Variants in P2RX1 observed in about 807,000 individuals in gnomAD.
P2RX1 encodes the protein P2X purinoceptor 1.
Under a neutral mutation model 50.3 loss-of-function variants are expected in P2RX1, and 42 were observed. That is an observed-to-expected ratio of 0.83 (90% CI 0.65 to 1.08). The LOEUF (loss-of-function observed/expected upper bound fraction) is 1.08, where lower values mean the gene tolerates loss of function less well. P2RX1 is among the 50% of genes least tolerant of loss of function. The pLI is 0.00. For missense variants in P2RX1, 449 were observed against 529.0 expected (o/e 0.85, Z 1.48); for synonymous variants, 199 against 202.6 (o/e 0.98, Z 0.15).
intron 8 of P2RX1, among the ~76,000 whole-genome samples, chr17:3,899,326 C>G (rs73322986): frequency 5.8e-4 from 75 of 128,672 alleles, no homozygotes; most frequent in South Asian, 5.4e-3. Flanking sequence ...CCTCAGCCCC[C>G]CAAGATGCCT....
chr17:3,915,565 A>G (rs1324486161), intron 1 of P2RX1: 2 of 456,592 alleles, frequency 4.4e-6, no homozygotes, highest in Non-Finnish European at 8.8e-6. Context: ...ACATGCCAAC[A>G]TGAAGGCACC....
Position 3,914,347 on chromosome 17 carries a change from G to C in P2RX1, c.137+1742C>G, listed in dbSNP as rs2056413884. On this transcript the variant is annotated intron_variant, in intron 1 of 11. Transcript: ENST00000225538. This position sits in a 1 kb window ranked among gnomAD's most constrained non-coding sequence, Gnocchi z 4.1. Reference sequence around the variant, plus strand: ...CAGTCTTGGGAGGGAAGACAGGCAGGAGGACGGTAGTGAGGTCCCCGTCAC... The same window carrying C: ...CAGTCTTGGGAGGGAAGACAGGCAGCAGGACGGTAGTGAGGTCCCCGTCAC... Among the ~76,000 whole-genome samples, 1 of 152,028 alleles carries C rather than the reference G, an allele frequency of 6.6e-6. No individual in the cohort carries two copies. Among genetic ancestry groups the C allele is most frequent in the Non-Finnish European group, 1.5e-5 (1 of 68,008 alleles).
chr17:3,900,965 CAGG>C (rs2056127615), intron 7 of P2RX1, among the ~76,000 whole-genome samples: 1 of 152,264 alleles, frequency 6.6e-6, no homozygotes, highest in Middle Eastern at 3.4e-3. Context: ...GGCTGAGCAA[CAGG>C]AGAAGAGCTG....
At chr17:3,899,869 G>A in intron 7 of P2RX1, 108 bp from the exon 8 acceptor site, 1 of 1,389,180 alleles carries the variant, frequency 7.2e-7, no homozygotes, top group Non-Finnish European at 1.0e-6. Flanking sequence ...GGGAGGCAGA[G>A]GCGGGTGGAT....
Position 3,899,669 on chromosome 17 carries a change from G to C in P2RX1, c.840C>G (p.Tyr280Ter), listed in dbSNP as rs144076351. 6.2e-7 allele frequency: 1 copy of C among 1,613,798 alleles called. No individual in the cohort carries two copies. The highest frequency in any genetic ancestry group is 1.7e-5 in the Admixed American group (1 of 59,996). The change falls in exon 8 of 12, where the codon TAC (tyrosine) becomes TAG (stop). Residue 280 changes from tyrosine (Y) to a stop codon, truncating the protein, a stop_gained. Transcript: ENST00000225538. LOFTEE classifies it high-confidence loss of function. ...CRPIYEFHGL[Y>*]EEKNLSPGFN... ...AGCCTGGGGAGAGATTTTTCTCTTC[G>C]TACAGCCCATGGAACTCATAGATGG... is the stretch of plus-strand genomic sequence containing the variant.
chr17:3,916,187 G>A lies in P2RX1; in HGVS notation c.39C>T (p.Leu13=), dbSNP rs2052406326. 1.2e-6 allele frequency: 2 copies of A among 1,613,166 alleles called. No homozygotes were observed. The highest frequency in any genetic ancestry group is 1.3e-5 in the African/African-American group (1 of 74,942). ...RRFQEELAAF[L]FEYDTPRMVL... ...CCATGCGGGGGGTGTCATACTCGAA[G>A]AGGAAGGCGGCCAGCTCCTCCTGGA... Residue 13 remains leucine, a synonymous_variant, in exon 1 of 12, where the codon CTC becomes CTT. Coordinates refer to ENST00000225538, the MANE Select transcript of P2RX1 (RefSeq NM_002558.4).
At chr17:3,898,461 G>A in intron 10 of P2RX1, 23 bp downstream of exon 10, 9 of 1,600,094 alleles carry the variant, frequency 5.6e-6, no homozygotes, top group Non-Finnish European at 7.7e-6. Flanking sequence ...CCAGCACAGT[G>A]AGCCGGTGAC....
At chr17:3,906,323 G>GCA (rs1370004066) in intron 1 of P2RX1, among the ~76,000 whole-genome samples, 26 of 152,114 alleles carry the variant, frequency 1.7e-4, no homozygotes, top group Non-Finnish European at 2.8e-4. Context: ...AGTAGAGATG[G>GCA]GGTTTCACCG....
rs2056187147 is a variant in P2RX1 at position 3,903,285 on chromosome 17, T to C, written c.664A>G (p.Thr222Ala). The C allele has an allele frequency of 1.2e-6, 2 of 1,613,974 alleles. No homozygotes were observed. The highest frequency in any genetic ancestry group is 1.6e-4 in the Middle Eastern group (1 of 6,062). ...AHMKTCLFHK[T>A]LHPLCPVFQL... ...AAGACTGGGCACAGGGGGTGCAGGG[T>C]CTTGTGAAAGAGGCAGGTCTTCATG... The change falls in exon 7 of 12, where the codon ACC becomes GCC. Residue 222 changes from threonine (T) to alanine (A), a missense_variant. By Grantham distance (58) the Thr-to-Ala change is moderately conservative. Transcript: ENST00000225538. The surrounding 1 kb of genome is among the most constrained non-coding windows in gnomAD (Gnocchi z 4.6).
In P2RX1 at chr17:3,903,434, A is replaced by AC; in HGVS notation, c.606-92dup. ...AGCCTGGGGACCCCTCACAGGCTCC[A>AC]CATTGCCCCTTTGATTCCTTCCACG... On this transcript the variant is annotated intron_variant, in intron 6 of 11. Coordinates refer to ENST00000225538, the MANE Select transcript of P2RX1 (RefSeq NM_002558.4). This position sits in a 1 kb window ranked among gnomAD's most constrained non-coding sequence, Gnocchi z 4.6. 6.3e-7 allele frequency: 1 copy of AC among 1,588,822 alleles called. No individual in the cohort carries two copies. The highest frequency in any genetic ancestry group is 8.6e-7 in the Non-Finnish European group (1 of 1,160,138).
chr17:3,907,049 T>C (rs2056278395), intron 1 of P2RX1, among the ~76,000 whole-genome samples: 1 of 152,126 alleles, frequency 6.6e-6, no homozygotes, highest in African/African-American at 2.4e-5. Flanking sequence ...GGCCAGGAGA[T>C]AGAGAGGGGC....
Position 3,903,801 on chromosome 17 carries a change from A to G in P2RX1, c.524+127T>C. On this transcript the variant is annotated intron_variant, in intron 5 of 11. Transcript: ENST00000225538. The surrounding 1 kb of genome is among the most constrained non-coding windows in gnomAD (Gnocchi z 4.6). ...GTGGCCAGGACCCAGGGGAATCTTCAGCCTAGGTTGCGCGGATGGGGTGAG... is the reference window on the plus strand; with the variant it reads ...GTGGCCAGGACCCAGGGGAATCTTCGGCCTAGGTTGCGCGGATGGGGTGAG... 9.2e-7 allele frequency: 1 copy of G among 1,089,572 alleles called. No individual in the cohort carries two copies. The highest frequency in any genetic ancestry group is 1.4e-6 in the Non-Finnish European group (1 of 717,364). 67.5% of individuals were successfully genotyped at this position (1,089,572 alleles called of 1,614,324 possible).
intron 1 of P2RX1, among the ~76,000 whole-genome samples, chr17:3,913,763 T>C (rs1217736253): frequency 6.6e-6 from 1 of 152,182 alleles, no homozygotes; most frequent in Non-Finnish European, 1.5e-5. Context: ...GGCTCTTCTC[T>C]CATGCTCCTT....
intron 10 of P2RX1, 95 bp downstream of exon 10, chr17:3,898,389 G>T: frequency 3.0e-6 from 3 of 996,798 alleles, no homozygotes; most frequent in South Asian, 1.3e-5. Context: ...GACAGTTAGG[G>T]TCAAGTTTTA....
At chr17:3,909,693 AAAAC>A (rs2056329589) in intron 1 of P2RX1, among the ~76,000 whole-genome samples, 1 of 152,200 alleles carries the variant, frequency 6.6e-6, no homozygotes, top group Admixed American at 6.5e-5. Flanking sequence ...CTAAAAAACA[AAAAC>A]AAACACGTAT....
At position 3,914,906 on chromosome 17, in the gene P2RX1, C is replaced by T. The variant is rs1359313945; in HGVS notation, c.137+1183G>A. Among the ~76,000 whole-genome samples, 1 of 152,148 alleles carries T rather than the reference C, an allele frequency of 6.6e-6. No homozygotes were observed. The highest frequency in any genetic ancestry group is 1.5e-5 in the Non-Finnish European group (1 of 68,010). On this transcript the variant is annotated intron_variant, in intron 1 of 11. Transcript: ENST00000225538. This position sits in a 1 kb window ranked among gnomAD's most constrained non-coding sequence, Gnocchi z 4.1. ...GGAGAGGTCAAGGCTGGGGTCTGGCCCTGGGTCCACCTGGCCGGCTCTGAG... is the reference window on the plus strand; with the variant it reads ...GGAGAGGTCAAGGCTGGGGTCTGGCTCTGGGTCCACCTGGCCGGCTCTGAG...
At chr17:3,910,552 G>A (rs1200100072) in intron 1 of P2RX1, among the ~76,000 whole-genome samples, 2 of 152,254 alleles carry the variant, frequency 1.3e-5, no homozygotes, top group Non-Finnish European at 2.9e-5. Flanking sequence ...GGAAGGCTGA[G>A]ACACTGGAGG....
rs766630539 is a variant in P2RX1, at chr17:3,898,043, T to A, written c.1100A>T (p.Lys367Met). The A allele has an allele frequency of 2.5e-6, 4 of 1,613,404 alleles. No individual in the cohort carries two copies. The South Asian group carries it at 4.4e-5, about 18-fold the overall frequency. Residue 367 changes from lysine to methionine, a missense_variant, in exon 11 of 12, where the codon AAG becomes ATG. Coordinates refer to ENST00000225538, the MANE Select transcript of P2RX1 (RefSeq NM_002558.4). ...LPKRHYYKQKKFKYAEDMGPG... is the reference protein window; with the variant it reads ...LPKRHYYKQKMFKYAEDMGPG... ...CCCCATGTCCTCAGCGTATTTGAAC[T>A]TCTTCTGCTTGTAGTAGTGCCTCTT...
At chr17:3,916,033 G>T in intron 1 of P2RX1, 56 bp downstream of exon 1, 1 of 1,605,138 alleles carries the variant, frequency 6.2e-7, no homozygotes, top group Non-Finnish European at 8.5e-7. Context: ...GTCAGAGTCT[G>T]GAGGACAGGC....
Sources: allele counts gnomAD v4.1 joint callset (sites outside exome capture counted in the v4.1 genomes callset), GRCh38; gene constraint gnomAD v4.1.1; non-coding constraint Gnocchi (gnomAD v3.1); transcripts MANE v1.5; gene names NCBI Gene and HGNC (gene_info 2026-07-23, HGNC 2026-07-21).